CNBD1: variants seen among roughly 807,000 people sequenced by gnomAD.
The protein encoded by CNBD1 is cyclic nucleotide binding domain containing 1, also known as cyclic nucleotide-binding domain-containing protein 1.
Under a neutral mutation model 54.4 loss-of-function variants are expected in CNBD1, and 71 were observed. The ratio of observed to expected loss-of-function variants is 1.30; its 90% CI spans 1.08 to 1.59. The LOEUF is 1.59. CNBD1 is among the 40% of genes most tolerant of loss of function. The pLI is 0.00. For missense variants in CNBD1, 659 were observed against 518.0 expected (o/e 1.27, Z -2.64); for synonymous variants, 182 against 170.7 (o/e 1.07, Z -0.51).
chr8:86,978,861 T>A (rs1374250142), intron 4 of CNBD1, among the ~76,000 whole-genome samples: 6 of 152,110 alleles, frequency 3.9e-5, no homozygotes, highest in Admixed American at 3.9e-4. Flanking sequence ...TAATAACTGA[T>A]TATAACACTC....
intron 8 of CNBD1, among the ~76,000 whole-genome samples, chr8:87,338,696 G>A (rs148762395): frequency 6.8e-6 from 1 of 148,062 alleles, no homozygotes; most frequent in East Asian, 2.0e-4. Context: ...TTTCATTTTT[G>A]TTTTTGCAGC....
At chr8:87,289,625 A>G (rs1177901541) in intron 8 of CNBD1, among the ~76,000 whole-genome samples, 1 of 152,170 alleles carries the variant, frequency 6.6e-6, no homozygotes, top group Non-Finnish European at 1.5e-5. Context: ...AAACATGTTA[A>G]TTGGAAAAAC....
At chr8:87,298,782 C>T (rs1808931736) in intron 8 of CNBD1, among the ~76,000 whole-genome samples, 1 of 150,792 alleles carries the variant, frequency 6.6e-6, no homozygotes, top group East Asian at 2.0e-4. Flanking sequence ...CCATGCCCGG[C>T]CCAAATGTGC....
chr8:87,424,364 T>A (rs1285738805), intron 2 of CNBD1, among the ~76,000 whole-genome samples: 1 of 152,152 alleles, frequency 6.6e-6, no homozygotes, highest in African/African-American at 2.4e-5. Flanking sequence ...TTAATTGTGA[T>A]GTTAGGGTGT....
chr8:87,387,054 G>A (rs1811204828), downstream of CNBD1, among the ~76,000 whole-genome samples: 1 of 152,270 alleles, frequency 6.6e-6, no homozygotes, highest in South Asian at 2.1e-4. Context: ...ACAAGGAAAT[G>A]CTGAGAGATT....
chr8:87,297,046 C>T lies in CNBD1; in HGVS notation c.1042+10375C>T, dbSNP rs1234869786. ...AACAAAAATTGGCCGGGCTTGGTGG[C>T]GGGTGCCTGTAGTCCCAGCTACTCC... On this transcript the variant is annotated intron_variant, in intron 8 of 10. Coordinates refer to ENST00000518476, the MANE Select transcript of CNBD1 (RefSeq NM_173538.3). 4.0e-5 allele frequency among the ~76,000 whole-genome samples: 6 copies of T among 149,302 alleles called. No individual in the cohort carries two copies. In the East Asian group the frequency reaches 6.0e-4, roughly 15 times the overall value.
rs995248268 is a variant in CNBD1 at position 87,227,088 on chromosome 8, G to T, written c.578-9831G>T. Among the ~76,000 whole-genome samples, 23 of 151,766 alleles carry T rather than the reference G, an allele frequency of 1.5e-4. 1 individual carries two copies. Among genetic ancestry groups the T allele is most frequent in the Admixed American group, 1.2e-3 (18 of 15,246 alleles). On this transcript the variant is annotated intron_variant, in intron 5 of 10. Transcript: ENST00000518476. ...CCCTGCCTTTTTTTGTTTTCCATTG[G>T]CTTGGTAGATCTTCCTCCATCCTTT...
intron 2 of CNBD1, among the ~76,000 whole-genome samples, chr8:87,403,927 C>A (rs1006585059): frequency 5.3e-5 from 8 of 152,022 alleles, no homozygotes; most frequent in Non-Finnish European, 8.8e-5. Context: ...GATTTGCTTA[C>A]AAATAGTGCT....
At chr8:86,875,647 A>G (rs1403193684) in intron 1 of CNBD1, among the ~76,000 whole-genome samples, 1 of 152,122 alleles carries the variant, frequency 6.6e-6, no homozygotes, top group African/African-American at 2.4e-5. Context: ...GCACTAGTAT[A>G]TATCTTTATC....
rs7833758 is a variant in CNBD1 at position 87,045,681 on chromosome 8, C to A, written c.431+105927C>A. Among the ~76,000 whole-genome samples the A allele has an allele frequency of 1.0e-2, 1,461 of 146,224 alleles. 41 individuals are homozygous for A. Among genetic ancestry groups the A allele is most frequent in the African/African-American group, 0.036 (1,381 of 38,818 alleles). ...CGGAGCTTGCAGTGAGCTAAGATTG[C>A]GCCACTGCACTCCAGCCTGGGCGAC... On this transcript the variant is annotated intron_variant, in intron 4 of 10. Transcript: ENST00000518476.
intron 3 of CNBD1, among the ~76,000 whole-genome samples, chr8:86,913,868 G>A (rs1056817518): frequency 3.9e-5 from 6 of 152,082 alleles, no homozygotes; most frequent in African/African-American, 1.2e-4. Context: ...GCATAAGGCA[G>A]AACCTCCCAG....
chr8:87,384,501 T>C (rs967461636), downstream of CNBD1, among the ~76,000 whole-genome samples: 6 of 151,982 alleles, frequency 3.9e-5, no homozygotes, highest in Admixed American at 2.6e-4. Context: ...AATGAGGGGA[T>C]CAAGGCGGAT....
At chr8:86,966,888 C>T (rs6985986) in intron 4 of CNBD1, among the ~76,000 whole-genome samples, 75,055 of 151,940 alleles carry the variant, frequency 0.49, 20,160 homozygotes, top group East Asian at 0.73. Flanking sequence ...GCTTTTATTC[C>T]CTTATTTGGC....
In CNBD1 at chr8:86,968,812, T is replaced by C. The variant is rs558375661; in HGVS notation, c.431+29058T>C. On this transcript the variant is annotated intron_variant, in intron 4 of 10. Coordinates refer to ENST00000518476, the MANE Select transcript of CNBD1 (RefSeq NM_173538.3). The stretch of plus-strand genomic sequence containing the variant: ...ATTTTTTGTAAGACAACATAGACAA[T>C]AGGGCAGAGGAAGCAATCAGATACG... 7.2e-5 allele frequency among the ~76,000 whole-genome samples: 11 copies of C among 152,254 alleles called. No homozygotes were observed. The South Asian group carries it at 1.9e-3, about 26-fold the overall frequency.
chr8:86,868,106 T>C (rs1021171123), intron 1 of CNBD1, among the ~76,000 whole-genome samples: 1 of 152,188 alleles, frequency 6.6e-6, no homozygotes. Context: ...GAAACAATGA[T>C]CTCATGGAAG....
intron 4 of CNBD1, among the ~76,000 whole-genome samples, chr8:87,010,330 T>C (rs1809190585): frequency 6.6e-6 from 1 of 152,232 alleles, no homozygotes; most frequent in African/African-American, 2.4e-5. Flanking sequence ...CAGTCTGACA[T>C]TGGTCTGTCT....
chr8:86,936,957 A>G (rs1809560213), intron 3 of CNBD1, among the ~76,000 whole-genome samples: 1 of 152,154 alleles, frequency 6.6e-6, no homozygotes, highest in East Asian at 1.9e-4. Context: ...TTTAGTTACA[A>G]TTTCCTTATT....
chr8:87,247,912 G>A (rs567388069), intron 6 of CNBD1, among the ~76,000 whole-genome samples: 1 of 152,154 alleles, frequency 6.6e-6, no homozygotes, highest in Non-Finnish European at 1.5e-5. Context: ...TGGGTGACAC[G>A]GTGCATGGAC....
rs554746048 is a variant in CNBD1 at position 87,338,034 on chromosome 8, G to A, written c.1043-13651G>A. Among the ~76,000 whole-genome samples, 11 of 151,992 alleles carry A rather than the reference G, an allele frequency of 7.2e-5. No homozygotes were observed. The South Asian group carries it at 1.5e-3, about 20-fold the overall frequency. On this transcript the variant is annotated intron_variant, in intron 8 of 10. Transcript: ENST00000518476. Reference sequence around the variant, plus strand: ...TATTTTATATGATTTAATTTTTTATGTCCTCACTGAGCATATCAGGTGTAC... The same window carrying A: ...TATTTTATATGATTTAATTTTTTATATCCTCACTGAGCATATCAGGTGTAC...
Sources: gnomAD v4.1 joint callset for allele counts (sites outside exome capture counted in the v4.1 genomes callset) on GRCh38, gnomAD v4.1.1 for gene constraint, MANE v1.5 for transcripts, NCBI Gene and HGNC (gene_info 2026-07-23, HGNC 2026-07-21) for gene names.